CNTNAP5: variants seen among roughly 807,000 people sequenced by gnomAD.
CNTNAP5 encodes contactin associated protein family member 5.
Under a neutral mutation model 150.2 loss-of-function variants are expected in CNTNAP5, and 72 were observed. The ratio of observed to expected loss-of-function variants is 0.48; its 90% CI spans 0.40 to 0.58. The LOEUF is 0.58. Among genes scored for constraint, CNTNAP5 ranks in the 20% least tolerant of loss-of-function variants. The pLI is 0.00. For synonymous variants in CNTNAP5, 672 were observed against 619.8 expected (o/e 1.08, Z -1.25); for missense variants, 1,636 against 1,626.2 (o/e 1.01, Z -0.10).
intron 7 of CNTNAP5, among the ~76,000 whole-genome samples, chr2:124,494,161 A>G (rs899946770): frequency 1.3e-5 from 2 of 151,902 alleles, no homozygotes; most frequent in African/African-American, 4.8e-5. Context: ...GAGAGGACTC[A>G]CAACATGCCA....
intron 8 of CNTNAP5, among the ~76,000 whole-genome samples, chr2:124,515,136 CT>C (rs1694679900): frequency 6.6e-6 from 1 of 152,176 alleles, no homozygotes; most frequent in African/African-American, 2.4e-5. Flanking sequence ...CATTAAACGA[CT>C]AGGAAAGGTT....
intron 3 of CNTNAP5, among the ~76,000 whole-genome samples, chr2:124,408,259 A>G (rs1410212363): frequency 1.3e-5 from 2 of 152,132 alleles, no homozygotes; most frequent in Admixed American, 6.5e-5. Context: ...GCTGATTGCT[A>G]GCACAGCAGT....
At chr2:124,335,948 A>T (rs1689456516) in intron 3 of CNTNAP5, among the ~76,000 whole-genome samples, 1 of 152,066 alleles carries the variant, frequency 6.6e-6, no homozygotes, top group African/African-American at 2.4e-5. Context: ...ATACATATTT[A>T]TTTATGTGGA....
chr2:124,557,268 A>T (rs1213998453), intron 10 of CNTNAP5, among the ~76,000 whole-genome samples: 1 of 124,356 alleles, frequency 8.0e-6, no homozygotes, highest in Non-Finnish European at 1.7e-5. Flanking sequence ...CCCTCTCTCA[A>T]TTGCTCCTTG....
rs1678855052 is a variant in CNTNAP5, at chr2:124,920,698, A to G, written c.*6410A>G. ...CATGTATAAATGAATACCCATGGCCATGTTCCAATATAACTTTATTTACAA... is the reference window on the plus strand; with the variant it reads ...CATGTATAAATGAATACCCATGGCCGTGTTCCAATATAACTTTATTTACAA... On this transcript the variant is annotated 3_prime_UTR_variant, in exon 24 of 24. Transcript: ENST00000682447. 6.6e-6 allele frequency among the ~76,000 whole-genome samples: 1 copy of G among 152,138 alleles called. No individual in the cohort carries two copies. The highest frequency in any genetic ancestry group is 1.5e-5 in the Non-Finnish European group (1 of 68,008).
At chr2:124,699,539 G>T (rs1377228269) in intron 13 of CNTNAP5, among the ~76,000 whole-genome samples, 1 of 152,158 alleles carries the variant, frequency 6.6e-6, no homozygotes, top group African/African-American at 2.4e-5. Context: ...GCTGGGAAAT[G>T]GGATTTCTCA....
intron 12 of CNTNAP5, among the ~76,000 whole-genome samples, chr2:124,640,728 T>A (rs1678073073): frequency 1.3e-5 from 2 of 152,098 alleles, no homozygotes; most frequent in Admixed American, 1.3e-4. Flanking sequence ...CAGAAGTGTT[T>A]CTAATAATGA....
chr2:124,135,509 A>G (rs1204870888), intron 1 of CNTNAP5, among the ~76,000 whole-genome samples: 3 of 151,938 alleles, frequency 2.0e-5, no homozygotes, highest in African/African-American at 7.3e-5. Flanking sequence ...AAAGACTAGG[A>G]AAAAAAAATT....
chr2:124,181,995 T>G lies in CNTNAP5; in HGVS notation c.83-39710T>G, dbSNP rs534989201. ...ACTGGGACAGAGGGAATGTCATGAT[T>G]CCAAAATGTATTAGACATAAAGTCA... On this transcript the variant is annotated intron_variant, in intron 1 of 23. Transcript: ENST00000682447. Among the ~76,000 whole-genome samples, 4 of 152,294 alleles carry G rather than the reference T, an allele frequency of 2.6e-5. No individual in the cohort carries two copies. The South Asian group carries it at 8.3e-4, about 32-fold the overall frequency.
At chr2:124,738,904 A>G (rs1477443770) in intron 13 of CNTNAP5, among the ~76,000 whole-genome samples, 1 of 152,190 alleles carries the variant, frequency 6.6e-6, no homozygotes, top group Non-Finnish European at 1.5e-5. Context: ...GGATCCTTCA[A>G]TGAGGCACTT....
At chr2:124,078,597 A>G (rs1682490956) in intron 1 of CNTNAP5, among the ~76,000 whole-genome samples, 1 of 152,234 alleles carries the variant, frequency 6.6e-6, no homozygotes, top group Non-Finnish European at 1.5e-5. Context: ...TTCAGTTTTG[A>G]ACAATTTACA....
At position 124,060,203 on chromosome 2, in the gene CNTNAP5, T is replaced by A. The variant is rs77978104; in HGVS notation, c.82+34471T>A. On this transcript the variant is annotated intron_variant, in intron 1 of 23. Transcript: ENST00000682447. Reference sequence around the variant, plus strand: ...GTAAAGTGGAATTAAAGCTGAGAGATGCCTATACCCACTTGTATCAGAAAT... The same window carrying A: ...GTAAAGTGGAATTAAAGCTGAGAGAAGCCTATACCCACTTGTATCAGAAAT... 2.6e-4 allele frequency among the ~76,000 whole-genome samples: 40 copies of A among 152,298 alleles called. No individual in the cohort carries two copies. The East Asian group carries it at 7.2e-3, about 27-fold the overall frequency.
chr2:124,887,355 T>A (rs1341485126), intron 21 of CNTNAP5, among the ~76,000 whole-genome samples: 1 of 152,052 alleles, frequency 6.6e-6, no homozygotes, highest in African/African-American at 2.4e-5. Context: ...GTGGTAGACA[T>A]GTTTTCAATT....
intron 1 of CNTNAP5, among the ~76,000 whole-genome samples, chr2:124,179,439 C>T (rs891745633): frequency 5.9e-5 from 9 of 152,126 alleles, no homozygotes; most frequent in South Asian, 4.1e-4. Context: ...GGATTACAGG[C>T]GTGAAGCATC....
chr2:124,534,871 A>T (rs980633908), intron 10 of CNTNAP5, among the ~76,000 whole-genome samples: 3 of 152,016 alleles, frequency 2.0e-5, no homozygotes, highest in African/African-American at 7.3e-5. Context: ...TTGACTTCCT[A>T]TCTCATCCTG....
At chr2:124,541,179 A>AGTTTTTTTTTTTTTTTTTTTTTTT in intron 10 of CNTNAP5, among the ~76,000 whole-genome samples, 1 of 83,082 alleles carries the variant, frequency 1.2e-5, no homozygotes, top group Non-Finnish European at 2.3e-5. Context: ...CAAAATTCCG[A>AGTTTTTTTTTTTTTTTTTTTTTTT]TTTTTTTTTT....
chr2:124,301,005 C>T (rs921855714), intron 3 of CNTNAP5, among the ~76,000 whole-genome samples: 19 of 152,120 alleles, frequency 1.2e-4, no homozygotes, highest in African/African-American at 4.6e-4. Flanking sequence ...AGTTTTAAAA[C>T]ATGGTATGCT....
At chr2:124,872,770 T>TG (rs923676513) in intron 21 of CNTNAP5, among the ~76,000 whole-genome samples, 21 of 151,886 alleles carry the variant, frequency 1.4e-4, no homozygotes, top group African/African-American at 5.1e-4. Context: ...CTCTGTGTAA[T>TG]GGAAGTTCCA....
intron 19 of CNTNAP5, among the ~76,000 whole-genome samples, chr2:124,858,829 A>G (rs980049067): frequency 6.6e-6 from 1 of 152,078 alleles, no homozygotes; most frequent in African/African-American, 2.4e-5. Context: ...GTAGAAGAAA[A>G]GAAATAATAA....
Sources: allele counts gnomAD v4.1 joint callset (sites outside exome capture counted in the v4.1 genomes callset), GRCh38; gene constraint gnomAD v4.1.1; transcripts MANE v1.5; gene names NCBI Gene and HGNC (gene_info 2026-07-23, HGNC 2026-07-21).